The following KIF16B variants were observed in gnomAD, a reference collection of about 807,000 sequenced individuals.
KIF16B encodes kinesin family member 16B.
KIF16B carries 98 observed loss-of-function variants against 156.3 expected under a neutral mutation model. The observed-to-expected ratio is 0.63, with a 90% CI of 0.53 to 0.74. KIF16B has a LOEUF of 0.74. Ranked by LOEUF, KIF16B falls within the 30% of genes least tolerant of loss-of-function variation. KIF16B has a pLI of 0.00. For synonymous variants in KIF16B, 564 were observed against 583.7 expected (o/e 0.97, Z 0.49); for missense variants, 1,421 against 1,606.5 (o/e 0.88, Z 1.97).
intron 15 of KIF16B, among the ~76,000 whole-genome samples, chr20:16,408,919 T>C (rs1053369132): frequency 3.9e-5 from 6 of 152,132 alleles, no homozygotes; most frequent in African/African-American, 1.4e-4. Context: ...CCACTGTTCA[T>C]TCAGCAAATA....
rs73898712 is a variant in KIF16B, at chr20:16,413,921, T to C, written c.1613-7465A>G. Among the ~76,000 whole-genome samples, 615 of 152,146 alleles carry C rather than the reference T, an allele frequency of 4.0e-3. 2 individuals carry two copies. The highest frequency in any genetic ancestry group is 0.024 in the Middle Eastern group (7 of 294). On this transcript the variant is annotated intron_variant, in intron 15 of 25. Transcript: ENST00000354981. ...AGGGCAGGTAAAGTTCTTATTTCAT[T>C]GCCTGATTGAAGCAAAAAGAAACTT...
chr20:16,558,730 C>A (rs751314877), intron 1 of KIF16B, among the ~76,000 whole-genome samples: 1 of 152,014 alleles, frequency 6.6e-6, no homozygotes, highest in Non-Finnish European at 1.5e-5. Flanking sequence ...ATGGCAAAAC[C>A]CTGTTTCCAT....
chr20:16,553,756 G>A (rs78858731), intron 1 of KIF16B, among the ~76,000 whole-genome samples: 8,073 of 152,294 alleles, frequency 0.053, 695 homozygotes, highest in African/African-American at 0.18. Flanking sequence ...TGCAGCAACC[G>A]CTACCAAGAC....
At chr20:16,422,432 G>A (rs2066248598) in intron 15 of KIF16B, among the ~76,000 whole-genome samples, 1 of 152,052 alleles carries the variant, frequency 6.6e-6, no homozygotes, top group Admixed American at 6.6e-5. Context: ...AACATTGCTG[G>A]TCAATGTAAT....
At chr20:16,505,453 C>T (rs908362676) in intron 9 of KIF16B, among the ~76,000 whole-genome samples, 9 of 152,078 alleles carry the variant, frequency 5.9e-5, no homozygotes, top group African/African-American at 1.9e-4. Flanking sequence ...AAATTTCTAC[C>T]TTGCACTTTA....
chr20:16,539,533 T>C (rs2070113079), intron 1 of KIF16B, among the ~76,000 whole-genome samples: 1 of 152,104 alleles, frequency 6.6e-6, no homozygotes, highest in Non-Finnish European at 1.5e-5. Context: ...GATCTGGCTG[T>C]TCAAAAGTGT....
chr20:16,289,356 T>G (rs35458737), intron 25 of KIF16B, among the ~76,000 whole-genome samples: 4,854 of 152,290 alleles, frequency 0.032, 81 homozygotes, highest in Middle Eastern at 0.037. Flanking sequence ...GGAATTGATA[T>G]GCAAATATGT....
In KIF16B at chr20:16,475,633, T is replaced by C. The variant is rs564251006; in HGVS notation, c.1302+18658A>G. Among the ~76,000 whole-genome samples, 210 of 152,266 alleles carry C rather than the reference T, an allele frequency of 1.4e-3. 1 individual carries two copies. Among genetic ancestry groups the C allele is most frequent in the African/African-American group, 4.5e-3 (185 of 41,556 alleles). On this transcript the variant is annotated intron_variant, in intron 12 of 25. Coordinates refer to ENST00000354981, the MANE Select transcript of KIF16B (RefSeq NM_024704.5). ...GTACAACGAAGGATGACAGAAATAA[T>C]TGTACAAGGAATTGTACATTTTAAT...
intron 12 of KIF16B, among the ~76,000 whole-genome samples, chr20:16,469,135 C>T (rs1378510838): frequency 2.0e-5 from 3 of 151,740 alleles, no homozygotes; most frequent in African/African-American, 4.8e-5. Context: ...GTATGTAGTA[C>T]CAGCTACTTG....
At chr20:16,457,364 A>G (rs1244581956) in intron 12 of KIF16B, among the ~76,000 whole-genome samples, 1 of 152,220 alleles carries the variant, frequency 6.6e-6, no homozygotes, top group Admixed American at 6.5e-5. Flanking sequence ...TCTATTAGCA[A>G]TATCTCTCCC....
intron 12 of KIF16B, among the ~76,000 whole-genome samples, chr20:16,491,335 T>C (rs2068284896): frequency 6.6e-6 from 1 of 152,066 alleles, no homozygotes; most frequent in Non-Finnish European, 1.5e-5. Flanking sequence ...TTAGTGCCTG[T>C]AGGGGCCAGG....
intron 15 of KIF16B, among the ~76,000 whole-genome samples, chr20:16,410,963 C>G (rs887035149): frequency 6.6e-6 from 1 of 151,914 alleles, no homozygotes; most frequent in South Asian, 2.1e-4. Flanking sequence ...AATGCCAAAA[C>G]GGTGATGTTT....
intron 12 of KIF16B, among the ~76,000 whole-genome samples, chr20:16,465,025 AAACT>A (rs1249409587): frequency 1.3e-5 from 2 of 152,206 alleles, no homozygotes; most frequent in Non-Finnish European, 2.9e-5. Flanking sequence ...CTAACTGTTA[AAACT>A]AACTGTCAGA....
intron 12 of KIF16B, among the ~76,000 whole-genome samples, chr20:16,443,427 T>C (rs183881036): frequency 3.1e-4 from 47 of 152,290 alleles, no homozygotes; most frequent in African/African-American, 9.4e-4. Context: ...AGAGTTAATA[T>C]TTTGTAAAAC....
At chr20:16,496,401 T>C (rs2068453361) in intron 11 of KIF16B, among the ~76,000 whole-genome samples, 2 of 152,252 alleles carry the variant, frequency 1.3e-5, no homozygotes, top group South Asian at 4.1e-4. Flanking sequence ...TTGGATTTAT[T>C]TTACTGTTGC....
intron 12 of KIF16B, among the ~76,000 whole-genome samples, chr20:16,478,903 G>C (rs2067895836): frequency 6.6e-6 from 1 of 152,172 alleles, no homozygotes; most frequent in African/African-American, 2.4e-5. Context: ...CTGTGGATAA[G>C]GGGGGACTAT....
intron 22 of KIF16B, among the ~76,000 whole-genome samples, chr20:16,359,758 A>G (rs2123184007): frequency 6.6e-6 from 1 of 152,138 alleles, no homozygotes; most frequent in African/African-American, 2.4e-5. Flanking sequence ...AATATTACGT[A>G]GCCTACCTCA....
intron 12 of KIF16B, among the ~76,000 whole-genome samples, chr20:16,442,960 A>G (rs1291874778): frequency 2.0e-5 from 3 of 152,206 alleles, no homozygotes; most frequent in Admixed American, 2.0e-4. Context: ...GGTAAAGACC[A>G]TCCCCTAATG....
chr20:16,370,360 C>T (rs1568897162), intron 22 of KIF16B, among the ~76,000 whole-genome samples: 1 of 152,108 alleles, frequency 6.6e-6, no homozygotes, highest in East Asian at 1.9e-4. Flanking sequence ...AAAAACTGGG[C>T]AAAGCTCCAC....
Sources: allele counts gnomAD v4.1 joint callset (sites outside exome capture counted in the v4.1 genomes callset), GRCh38; gene constraint gnomAD v4.1.1; transcripts MANE v1.5; gene names NCBI Gene and HGNC (gene_info 2026-07-23, HGNC 2026-07-21).